Variants in FHIT observed in about 807,000 individuals in gnomAD.
FHIT encodes the protein bis(5'-adenosyl)-triphosphatase.
Under a neutral mutation model 17.9 loss-of-function variants are expected in FHIT, and 19 were observed. The observed-to-expected ratio is 1.06, with a 90% CI of 0.74 to 1.56. The LOEUF (loss-of-function observed/expected upper bound fraction) is 1.56, where lower values mean the gene tolerates loss of function less well. FHIT is among the 40% of genes most tolerant of loss of function. FHIT has a pLI of 0.00. For synonymous variants in FHIT, 81 were observed against 69.7 expected (o/e 1.16, Z -0.81); for missense variants, 248 against 189.2 (o/e 1.31, Z -1.82).
intron 3 of FHIT, among the ~76,000 whole-genome samples, chr3:60,996,469 G>A (rs2030681571): frequency 6.6e-6 from 1 of 152,112 alleles, no homozygotes; most frequent in South Asian, 2.1e-4. Flanking sequence ...GTTCTTAATT[G>A]TGGCATTTTG....
chr3:61,175,293 T>C (rs1019319170), intron 2 of FHIT, among the ~76,000 whole-genome samples: 2 of 152,122 alleles, frequency 1.3e-5, no homozygotes, highest in East Asian at 3.9e-4. Context: ...AGGTAAAATA[T>C]ACTCCCGAGC....
chr3:60,020,292 A>C (rs1700505800), intron 5 of FHIT, among the ~76,000 whole-genome samples: 2 of 152,152 alleles, frequency 1.3e-5, no homozygotes, highest in South Asian at 2.1e-4. Context: ...GAAATATTTA[A>C]ACATGGAGCA....
chr3:60,997,743 T>C (rs2030777905), intron 3 of FHIT, among the ~76,000 whole-genome samples: 1 of 152,176 alleles, frequency 6.6e-6, no homozygotes, highest in East Asian at 1.9e-4. Flanking sequence ...AATTCGTGAA[T>C]TGCATAATGC....
At chr3:60,769,019 C>T (rs13067083) in intron 4 of FHIT, among the ~76,000 whole-genome samples, 84,564 of 152,052 alleles carry the variant, frequency 0.56, 24,650 homozygotes, top group African/African-American at 0.71. Flanking sequence ...TGAACAACCT[C>T]AAATGTTTTA....
chr3:60,576,949 T>TACACACACACAC (rs57891077), intron 4 of FHIT, among the ~76,000 whole-genome samples: 8,558 of 146,728 alleles, frequency 0.058, 350 homozygotes, highest in South Asian at 0.13. Flanking sequence ...TCCATTTGCA[T>TACACACACACAC]ACACACACAC....
chr3:60,670,380 G>T (rs2040479202), intron 4 of FHIT, among the ~76,000 whole-genome samples: 1 of 152,164 alleles, frequency 6.6e-6, no homozygotes, highest in African/African-American at 2.4e-5. Context: ...ACCTCATCCT[G>T]TTTTACTGGG....
At chr3:59,791,569 G>A (rs1377452520) in intron 8 of FHIT, among the ~76,000 whole-genome samples, 1 of 152,170 alleles carries the variant, frequency 6.6e-6, no homozygotes. Context: ...CTTAAGGCAG[G>A]TTGAGTTGGG....
chr3:60,785,934 C>CACACACACACACAGAG (rs139392863), intron 4 of FHIT, among the ~76,000 whole-genome samples: 2 of 138,004 alleles, frequency 1.4e-5, no homozygotes, highest in African/African-American at 5.3e-5. Context: ...CACACACACA[C>CACACACACACACAGAG]AGAGAGAGTA....
At chr3:60,441,706 AT>A (rs2030820120) in intron 5 of FHIT, among the ~76,000 whole-genome samples, 1 of 29,512 alleles carries the variant, frequency 3.4e-5, no homozygotes, top group African/African-American at 3.2e-4. Flanking sequence ...AGGTATTTAT[AT>A]ATATATATAT....
At chr3:60,584,783 C>T (rs1553661078) in intron 4 of FHIT, among the ~76,000 whole-genome samples, 2 of 151,946 alleles carry the variant, frequency 1.3e-5, no homozygotes. Context: ...TGAGCCTATT[C>T]CCTTTTTTAT....
At chr3:60,674,453 A>G (rs2040577073) in intron 4 of FHIT, among the ~76,000 whole-genome samples, 1 of 152,160 alleles carries the variant, frequency 6.6e-6, no homozygotes, top group Non-Finnish European at 1.5e-5. Flanking sequence ...CACATCCAGT[A>G]ATTTTTTTGT....
intron 3 of FHIT, among the ~76,000 whole-genome samples, chr3:60,894,617 A>G (rs988158759): frequency 6.6e-6 from 1 of 152,144 alleles, no homozygotes; most frequent in Non-Finnish European, 1.5e-5. Flanking sequence ...AGGCTCCTTG[A>G]TATTCAAAGC....
chr3:60,635,277 C>T (rs1024239709), intron 4 of FHIT, among the ~76,000 whole-genome samples: 10 of 890 alleles, frequency 0.011, no homozygotes, highest in African/African-American at 0.086. Context: ...CTTTAAAAAG[C>T]CAGAATCACA....
chr3:60,297,066 G>A (rs1272214834), intron 5 of FHIT, among the ~76,000 whole-genome samples: 1 of 151,950 alleles, frequency 6.6e-6, no homozygotes, highest in Admixed American at 6.6e-5. Context: ...TCTTGAAACT[G>A]GATGATAGAC....
At chr3:59,890,184 G>C (rs759562398) in intron 8 of FHIT, among the ~76,000 whole-genome samples, 6 of 152,040 alleles carry the variant, frequency 3.9e-5, no homozygotes, top group South Asian at 2.1e-4. Context: ...TTCTTTGAGA[G>C]GATAAAGCCT....
In FHIT at chr3:60,476,826, C is replaced by A. The variant is rs550696937; in HGVS notation, c.103+60034G>T. On this transcript the variant is annotated intron_variant, in intron 5 of 9. Coordinates refer to ENST00000492590, the MANE Select transcript of FHIT (RefSeq NM_002012.4). Reference sequence around the variant, plus strand: ...TACTTAAGTGAGCATCATTTGGTCTCGTCCTGGACACCCGGGGAAGGATTT... The same window carrying A: ...TACTTAAGTGAGCATCATTTGGTCTAGTCCTGGACACCCGGGGAAGGATTT... Among the ~76,000 whole-genome samples, 15 of 149,582 alleles carry A rather than the reference C, an allele frequency of 1.0e-4. No homozygotes were observed. In the East Asian group the frequency reaches 1.0e-3, roughly 10 times the overall value.
chr3:61,146,477 A>C (rs1370403637), intron 2 of FHIT, among the ~76,000 whole-genome samples: 1 of 152,078 alleles, frequency 6.6e-6, no homozygotes, highest in Non-Finnish European at 1.5e-5. Flanking sequence ...TGCAAACGAC[A>C]GTTTGACAAG....
chr3:60,345,058 T>C, intron 5 of FHIT, among the ~76,000 whole-genome samples: 1 of 152,340 alleles, frequency 6.6e-6, no homozygotes, highest in Non-Finnish European at 1.5e-5. Context: ...AATCATATGC[T>C]TTATTTAAGA....
chr3:61,152,055 A>AT (rs1284353979), intron 2 of FHIT, among the ~76,000 whole-genome samples: 1 of 152,066 alleles, frequency 6.6e-6, no homozygotes, highest in Admixed American at 6.6e-5. Context: ...CCATCATACC[A>AT]TTTTTTTAAG....
Sources: gnomAD v4.1 joint callset for allele counts (sites outside exome capture counted in the v4.1 genomes callset) on GRCh38, gnomAD v4.1.1 for gene constraint, MANE v1.5 for transcripts, NCBI Gene and HGNC (gene_info 2026-07-23, HGNC 2026-07-21) for gene names.